WWOX: variants seen among roughly 807,000 people sequenced by gnomAD.
The protein encoded by WWOX is WW domain containing oxidoreductase.
In WWOX, 69 loss-of-function variants were observed where a neutral mutation model predicts 46.2. The ratio of observed to expected loss-of-function variants is 1.49; its 90% CI spans 1.23 to 1.82. The LOEUF is 1.82. Among genes scored for constraint, WWOX ranks in the 40% most tolerant of loss-of-function variants. WWOX has a pLI of 0.00. For synonymous variants in WWOX, 359 were observed against 202.6 expected (o/e 1.77, Z -6.56); for missense variants, 919 against 542.6 (o/e 1.69, Z -6.89).
At chr16:79,046,050 C>A (rs1187264999) in intron 8 of WWOX, among the ~76,000 whole-genome samples, 2 of 152,042 alleles carry the variant, frequency 1.3e-5, no homozygotes, top group Non-Finnish European at 2.9e-5. Context: ...GATCTGTCTG[C>A]CTTGCCCTCC....
At position 78,968,290 on chromosome 16, in the gene WWOX, T is replaced by C. The variant is rs548852455; in HGVS notation, c.1057-243318T>C. Among the ~76,000 whole-genome samples, 3 of 152,338 alleles carry C rather than the reference T, an allele frequency of 2.0e-5. 1 individual carries two copies. The South Asian group carries it at 6.2e-4, about 32-fold the overall frequency. On this transcript the variant is annotated intron_variant, in intron 8 of 8. Transcript: ENST00000566780. ...ATCCAGAAACTGTGCCCCATAGTCC[T>C]ACCCGTAGGAATCCAACAGGGAACT...
intron 8 of WWOX, among the ~76,000 whole-genome samples, chr16:78,460,201 C>G (rs114273202): frequency 0.12 from 18,869 of 151,790 alleles, 1,245 homozygotes; most frequent in Non-Finnish European, 0.15. Flanking sequence ...TATCTGGGCT[C>G]ACTGCAACCT....
intron 8 of WWOX, among the ~76,000 whole-genome samples, chr16:78,953,167 A>G (rs1322784225): frequency 1.3e-5 from 2 of 152,096 alleles, no homozygotes; most frequent in Admixed American, 6.6e-5. Flanking sequence ...TGGGAAGTTC[A>G]GCCGTGGTTC....
intron 5 of WWOX, among the ~76,000 whole-genome samples, chr16:78,232,462 A>T (rs1376048333): frequency 6.6e-6 from 1 of 152,180 alleles, no homozygotes; most frequent in Non-Finnish European, 1.5e-5. Flanking sequence ...TTCTTCCATC[A>T]GGGGCTCACA....
intron 8 of WWOX, among the ~76,000 whole-genome samples, chr16:78,696,496 G>C (rs775265332): frequency 6.6e-6 from 1 of 151,904 alleles, no homozygotes; most frequent in Non-Finnish European, 1.5e-5. Context: ...ACCTGGGCTA[G>C]TAATACGTGG....
intron 8 of WWOX, among the ~76,000 whole-genome samples, chr16:78,954,062 A>T (rs1285544943): frequency 6.6e-6 from 1 of 152,164 alleles, no homozygotes; most frequent in Non-Finnish European, 1.5e-5. Flanking sequence ...CAAGGCAAGG[A>T]CCATATCTTA....
At chr16:78,775,510 C>CG (rs1046931241) in intron 8 of WWOX, among the ~76,000 whole-genome samples, 5 of 152,078 alleles carry the variant, frequency 3.3e-5, no homozygotes, top group Non-Finnish European at 7.4e-5. Flanking sequence ...TAGCGCCCTC[C>CG]GGGGGGTGGG....
chr16:78,315,347 T>C (rs1419552437), intron 5 of WWOX, among the ~76,000 whole-genome samples: 2 of 152,130 alleles, frequency 1.3e-5, no homozygotes, highest in Non-Finnish European at 2.9e-5. Context: ...TTTGATATGA[T>C]AAAAATAATT....
chr16:79,027,847 A>G (rs1047749435), intron 8 of WWOX, among the ~76,000 whole-genome samples: 13 of 151,908 alleles, frequency 8.6e-5, no homozygotes, highest in Admixed American at 6.5e-4. Context: ...ACCCCTGAAC[A>G]TAGCATAGAA....
At chr16:78,432,774 C>A (rs1567570608) in intron 8 of WWOX, 22 bp downstream of exon 8, 14 of 1,614,026 alleles carry the variant, frequency 8.7e-6, no homozygotes, top group East Asian at 2.2e-5. Flanking sequence ...GCTTCTGGCG[C>A]CGCAAACACC....
chr16:78,821,104 C>T (rs1044198201), intron 8 of WWOX, among the ~76,000 whole-genome samples: 1 of 152,200 alleles, frequency 6.6e-6, no homozygotes, highest in African/African-American at 2.4e-5. Context: ...TAGGGGGACA[C>T]TATTGAACCC....
chr16:78,158,830 A>G (rs2034689463), intron 4 of WWOX, among the ~76,000 whole-genome samples: 1 of 152,188 alleles, frequency 6.6e-6, no homozygotes, highest in African/African-American at 2.4e-5. Flanking sequence ...ATATTTTATA[A>G]GTACATGATA....
chr16:78,765,154 A>G (rs572108862), intron 8 of WWOX, among the ~76,000 whole-genome samples: 1 of 152,336 alleles, frequency 6.6e-6, no homozygotes, highest in South Asian at 2.1e-4. Flanking sequence ...TGCAGATCAC[A>G]GTGGCCCCAC....
chr16:78,860,192 C>T (rs1401879750), intron 8 of WWOX, among the ~76,000 whole-genome samples: 1 of 152,164 alleles, frequency 6.6e-6, no homozygotes, highest in Non-Finnish European at 1.5e-5. Context: ...AGAAATTTTA[C>T]CAAATATTTA....
intron 5 of WWOX, among the ~76,000 whole-genome samples, chr16:78,206,840 A>T (rs1466289996): frequency 6.6e-6 from 1 of 152,228 alleles, no homozygotes; most frequent in African/African-American, 2.4e-5. Flanking sequence ...AAAAGAAGTG[A>T]CAAAGTACGG....
chr16:78,323,966 A>G (rs1408125725), intron 5 of WWOX, among the ~76,000 whole-genome samples: 1 of 152,166 alleles, frequency 6.6e-6, no homozygotes, highest in African/African-American at 2.4e-5. Flanking sequence ...GCACTGTGCT[A>G]GGCATTTTTG....
intron 5 of WWOX, among the ~76,000 whole-genome samples, chr16:78,193,906 C>G (rs1186341140): frequency 6.6e-6 from 1 of 150,814 alleles, no homozygotes; most frequent in African/African-American, 2.4e-5. Flanking sequence ...GAGACGGACT[C>G]TCGCACTGTC....
rs575275756 is a variant in WWOX, at chr16:78,847,499, T to G, written c.1057-364109T>G. Among the ~76,000 whole-genome samples the G allele has an allele frequency of 7.9e-5, 12 of 152,276 alleles. No individual in the cohort carries two copies. In the South Asian group the frequency reaches 2.5e-3, roughly 32 times the overall value. ...CTGGGTTTTTTCAAACTTGTTTCTT[T>G]GTTTTTTTCTTTTTGTGGAGAGCAG... On this transcript the variant is annotated intron_variant, in intron 8 of 8. Coordinates refer to ENST00000566780, the MANE Select transcript of WWOX (RefSeq NM_016373.4).
intron 8 of WWOX, among the ~76,000 whole-genome samples, chr16:78,538,141 A>C (rs1019664122): frequency 6.7e-6 from 1 of 150,136 alleles, no homozygotes; most frequent in Non-Finnish European, 1.5e-5. Context: ...CTGAAAGAAA[A>C]TTTAGTGATT....
Sources: gnomAD v4.1 joint callset for allele counts (sites outside exome capture counted in the v4.1 genomes callset) on GRCh38, gnomAD v4.1.1 for gene constraint, MANE v1.5 for transcripts, NCBI Gene and HGNC (gene_info 2026-07-23, HGNC 2026-07-21) for gene names.